The following PID1 variants were observed in gnomAD, a reference collection of about 807,000 sequenced individuals.
PID1 encodes phosphotyrosine interaction domain containing 1, also known as PTB-containing, cubilin and LRP1-interacting protein.
In PID1, 10 loss-of-function variants were observed where a neutral mutation model predicts 19.1. The observed-to-expected ratio is 0.52, with a 90% CI of 0.32 to 0.89. The LOEUF is 0.89. PID1 is among the 40% of genes least tolerant of loss of function. The pLI is 0.03. For synonymous variants in PID1, 130 were observed against 116.0 expected (o/e 1.12, Z -0.78); for missense variants, 248 against 285.3 (o/e 0.87, Z 0.94).
chr2:229,158,891 A>C (rs1690435965), intron 1 of PID1, among the ~76,000 whole-genome samples: 1 of 152,046 alleles, frequency 6.6e-6, no homozygotes, highest in African/African-American at 2.4e-5. Context: ...AATTGAACTC[A>C]TGAGCATAGA....
At chr2:229,194,617 T>G (rs1691331602) in intron 1 of PID1, among the ~76,000 whole-genome samples, 1 of 151,946 alleles carries the variant, frequency 6.6e-6, no homozygotes, top group South Asian at 2.1e-4. Context: ...AGCTTCATAT[T>G]AACTCTAGGT....
At position 229,035,745 on chromosome 2, in the gene PID1, C is replaced by A. The variant is rs943561224; in HGVS notation, c.178-9637G>T. ...GACACCTTAGTTTCCATTCTTATAT[C>A]ATTTACCTTTTCTCTGGCCATTTCT... On this transcript the variant is annotated intron_variant, in intron 2 of 2. Coordinates refer to ENST00000392055, the MANE Select transcript of PID1 (RefSeq NM_001100818.2). Among the ~76,000 whole-genome samples, 6 of 152,162 alleles carry A rather than the reference C, an allele frequency of 3.9e-5. No individual in the cohort carries two copies. In the East Asian group the frequency reaches 1.2e-3, roughly 29 times the overall value.
chr2:229,132,167 C>T (rs1038673700), intron 2 of PID1, among the ~76,000 whole-genome samples: 2 of 152,146 alleles, frequency 1.3e-5, no homozygotes, highest in African/African-American at 4.8e-5. Flanking sequence ...GAAGGATACA[C>T]TTATTATCTC....
At chr2:229,269,883 AG>A (rs1235386864) in intron 1 of PID1, among the ~76,000 whole-genome samples, 10 of 152,160 alleles carry the variant, frequency 6.6e-5, no homozygotes, top group African/African-American at 2.2e-4. Flanking sequence ...ATCATGGCCC[AG>A]GGAGCTTTGG....
intron 1 of PID1, among the ~76,000 whole-genome samples, chr2:229,244,122 T>G (rs1372772146): frequency 6.6e-6 from 1 of 152,154 alleles, no homozygotes; most frequent in African/African-American, 2.4e-5. Flanking sequence ...AAATATGTTA[T>G]TTTTTAGTTC....
At chr2:229,031,680 A>C (rs1693558539) in intron 2 of PID1, among the ~76,000 whole-genome samples, 1 of 152,242 alleles carries the variant, frequency 6.6e-6, no homozygotes, top group Non-Finnish European at 1.5e-5. Flanking sequence ...AATTCTTTAA[A>C]TAGCGTGTCC....
At chr2:229,109,502 C>T (rs1026597787) in intron 2 of PID1, among the ~76,000 whole-genome samples, 2 of 152,116 alleles carry the variant, frequency 1.3e-5, no homozygotes, top group Non-Finnish European at 2.9e-5. Context: ...TACCTCCCAC[C>T]CACTGTTTTG....
rs796210128 is a variant in PID1 at position 229,254,964 on chromosome 2, G to T, written c.30+16050C>A. Among the ~76,000 whole-genome samples the T allele has an allele frequency of 1.1e-4, 17 of 152,296 alleles. 1 individual carries two copies. Among genetic ancestry groups the T allele is most frequent in the African/African-American group, 3.9e-4 (16 of 41,558 alleles). On this transcript the variant is annotated intron_variant, in intron 1 of 2. Transcript: ENST00000392055. ...TCAGATGAATTTCTGGGTTTAAAAG[G>T]TGCTACAGGAAAAACAGATTCGAGG...
chr2:229,168,572 A>G (rs1690649369), intron 1 of PID1, among the ~76,000 whole-genome samples: 1 of 152,106 alleles, frequency 6.6e-6, no homozygotes, highest in Admixed American at 6.6e-5. Context: ...CTTTGCTGAA[A>G]TTCCCTATAT....
At chr2:229,073,609 T>C in intron 2 of PID1, among the ~76,000 whole-genome samples, 1 of 152,176 alleles carries the variant, frequency 6.6e-6, no homozygotes, top group East Asian at 1.9e-4. Flanking sequence ...AACTTGTAAA[T>C]ATTCAGTAGG....
At chr2:229,082,802 T>G (rs1301718496) in intron 2 of PID1, among the ~76,000 whole-genome samples, 2 of 152,160 alleles carry the variant, frequency 1.3e-5, no homozygotes, top group Non-Finnish European at 2.9e-5. Flanking sequence ...CATCTAGATT[T>G]CAGATTTTTA....
At chr2:229,044,707 C>T (rs922962753) in intron 2 of PID1, among the ~76,000 whole-genome samples, 3 of 152,126 alleles carry the variant, frequency 2.0e-5, no homozygotes, top group Admixed American at 1.3e-4. Flanking sequence ...CTCAGGACTG[C>T]TTTATGCTTC....
At chr2:229,151,634 G>C (rs551368521) in intron 2 of PID1, among the ~76,000 whole-genome samples, 1 of 150,186 alleles carries the variant, frequency 6.7e-6, no homozygotes, top group Admixed American at 6.7e-5. Context: ...GCAGTGGCAC[G>C]ATCTCGGCTC....
At chr2:229,140,647 G>A (rs540190658) in intron 2 of PID1, among the ~76,000 whole-genome samples, 1 of 151,974 alleles carries the variant, frequency 6.6e-6, no homozygotes, top group Non-Finnish European at 1.5e-5. Context: ...GTGAAATTCA[G>A]TTTTATATCC....
At chr2:229,261,585 GA>G (rs930559550) in intron 1 of PID1, among the ~76,000 whole-genome samples, 11 of 152,346 alleles carry the variant, frequency 7.2e-5, no homozygotes, top group African/African-American at 2.6e-4. Flanking sequence ...CAACTCTGAG[GA>G]AAGGTTTGTC....
At chr2:229,192,927 C>A (rs535147591) in intron 1 of PID1, among the ~76,000 whole-genome samples, 110 of 152,300 alleles carry the variant, frequency 7.2e-4, no homozygotes, top group Non-Finnish European at 1.0e-3. Context: ...AATGTCCAAG[C>A]TCCTAATTCC....
intron 2 of PID1, among the ~76,000 whole-genome samples, chr2:229,113,596 A>ATGTG (rs3083856): frequency 0.013 from 1,809 of 141,926 alleles, 31 homozygotes; most frequent in East Asian, 0.022. Flanking sequence ...GTATGCATAT[A>ATGTG]TGTGTGTGTG....
At chr2:229,052,093 T>C (rs577944884) in intron 2 of PID1, among the ~76,000 whole-genome samples, 4 of 152,320 alleles carry the variant, frequency 2.6e-5, no homozygotes, top group Admixed American at 1.3e-4. Context: ...CATTGGATAG[T>C]TGACGCCCTC....
intron 2 of PID1, among the ~76,000 whole-genome samples, chr2:229,153,414 G>A (rs1348688040): frequency 6.6e-6 from 1 of 152,154 alleles, no homozygotes; most frequent in Non-Finnish European, 1.5e-5. Flanking sequence ...TTCTAGGGAT[G>A]GAGAGTCCAT....
Sources: allele counts gnomAD v4.1 joint callset (sites outside exome capture counted in the v4.1 genomes callset), GRCh38; gene constraint gnomAD v4.1.1; transcripts MANE v1.5; gene names NCBI Gene and HGNC (gene_info 2026-07-23, HGNC 2026-07-21).